The following HECW2 variants were observed in gnomAD, a reference collection of about 807,000 sequenced individuals.
HECW2 encodes E3 ubiquitin-protein ligase HECW2.
Under a neutral mutation model 175.2 loss-of-function variants are expected in HECW2, and 61 were observed. The observed-to-expected ratio is 0.35, with a 90% CI of 0.28 to 0.43. HECW2 has a LOEUF of 0.43. HECW2 is among the 20% of genes least tolerant of loss of function. The pLI is 1.00. For missense variants in HECW2, 1,524 were observed against 2,000.5 expected, an observed-to-expected ratio of 0.76 and a Z score of 4.54; for synonymous variants, 671 against 731.0, an observed-to-expected ratio of 0.92 and a Z score of 1.32.
intron 1 of HECW2, among the ~76,000 whole-genome samples, chr2:196,434,613 C>T (rs1695816293): frequency 6.6e-6 from 1 of 152,236 alleles, no homozygotes; most frequent in Non-Finnish European, 1.5e-5. Flanking sequence ...ACTCGGATCT[C>T]ACTAGCTTTA....
chr2:196,262,766 T>C (rs1372521402), intron 17 of HECW2, among the ~76,000 whole-genome samples: 2 of 152,066 alleles, frequency 1.3e-5, no homozygotes, highest in African/African-American at 2.4e-5. Flanking sequence ...GGGTTTCATA[T>C]GTTGGCCAGG....
At chr2:196,211,309 T>C (rs758433125) in intron 28 of HECW2, among the ~76,000 whole-genome samples, 2 of 152,160 alleles carry the variant, frequency 1.3e-5, no homozygotes, top group African/African-American at 2.4e-5. Context: ...TTGAGAGCAA[T>C]TGCCACAAAG....
At chr2:196,320,272 C>A in intron 8 of HECW2, 67 bp downstream of exon 8, 1 of 899,924 alleles carries the variant, frequency 1.1e-6, no homozygotes, top group Non-Finnish European at 1.8e-6. Context: ...AGCAAACTGA[C>A]AATCGAGTTA....
At chr2:196,483,256 G>T (rs890591622) in intron 1 of HECW2, among the ~76,000 whole-genome samples, 2 of 152,094 alleles carry the variant, frequency 1.3e-5, no homozygotes, top group Non-Finnish European at 2.9e-5. Context: ...TTTACTCGAT[G>T]GATATTTAAT....
At chr2:196,441,733 C>T (rs945604660) in intron 1 of HECW2, among the ~76,000 whole-genome samples, 1 of 152,110 alleles carries the variant, frequency 6.6e-6, no homozygotes, top group Non-Finnish European at 1.5e-5. Context: ...ATAATCATAA[C>T]TTGATGCTTA....
At chr2:196,448,320 G>A (rs1467467284) in intron 1 of HECW2, among the ~76,000 whole-genome samples, 2 of 152,126 alleles carry the variant, frequency 1.3e-5, no homozygotes, top group African/African-American at 4.8e-5. Flanking sequence ...TCACTCCCAT[G>A]TTATCATGCA....
rs767738209 is a variant in HECW2, at chr2:196,271,192, C to G, written c.3335+1G>C. The G allele has an allele frequency of 6.4e-7, 1 of 1,564,102 alleles. No homozygotes were observed. The highest frequency in any genetic ancestry group is 8.8e-7 in the Non-Finnish European group (1 of 1,135,120). On this transcript the variant is annotated splice_donor_variant, in intron 17 of 28. Transcript: ENST00000644978. LOFTEE classifies it high-confidence loss of function. ...GAACCAAATACCAATATTATTGTTA[C>G]CTGAGTGAGTGATTCCTGGTAAGAT... is the stretch of plus-strand genomic sequence containing the variant.
At position 196,341,275 on chromosome 2, in the gene HECW2, G is replaced by GAGTGATTTTGCCAAAATCACTCCAAAGGA. The variant is rs1344890754; in HGVS notation, c.400+2353_400+2381dup. ...ATTACCAGCAGCCTTCAGCATTTTG[G>GAGTGATTTTGCCAAAATCACTCCAAAGGA]AGTGATTTTGCCAAAATCACTCCAA... On this transcript the variant is annotated intron_variant, in intron 3 of 28. Coordinates refer to ENST00000644978, the MANE Select transcript of HECW2 (RefSeq NM_001348768.2). 7.3e-3 allele frequency among the ~76,000 whole-genome samples: 1,078 copies of GAGTGATTTTGCCAAAATCACTCCAAAGGA among 148,606 alleles called. 22 individuals are homozygous for GAGTGATTTTGCCAAAATCACTCCAAAGGA. The highest frequency in any genetic ancestry group is 0.027 in the African/African-American group (1,018 of 38,140).
rs60838287 is a variant in HECW2 at position 196,459,059 on chromosome 2, A to G, written c.-35-25601T>C. On this transcript the variant is annotated intron_variant, in intron 1 of 28. Transcript: ENST00000644978. ...TAGTTCTCTGAGTAGTCCAGCTGGG[A>G]GAGATAATGCTAAAAAAACAAACAA... 9.2e-3 allele frequency among the ~76,000 whole-genome samples: 1,404 copies of G among 152,336 alleles called. 22 individuals are homozygous for G. Among genetic ancestry groups the G allele is most frequent in the African/African-American group, 0.032 (1,350 of 41,572 alleles).
chr2:196,235,688 C>T (rs1466290401), intron 21 of HECW2, among the ~76,000 whole-genome samples: 1 of 128,300 alleles, frequency 7.8e-6, no homozygotes, highest in East Asian at 2.5e-4. Flanking sequence ...TGGAGTCTCG[C>T]TCTGTCGCCC....
chr2:196,231,880 T>C (rs1332558702), intron 21 of HECW2, among the ~76,000 whole-genome samples: 2 of 151,768 alleles, frequency 1.3e-5, no homozygotes, highest in East Asian at 3.9e-4. Context: ...TCCCAGCTAC[T>C]TGGGAGGCTG....
At chr2:196,349,603 C>A (rs1334718844) in intron 2 of HECW2, among the ~76,000 whole-genome samples, 1 of 151,950 alleles carries the variant, frequency 6.6e-6, no homozygotes, top group Non-Finnish European at 1.5e-5. Context: ...AGCCACCATG[C>A]CTGAACATGA....
At chr2:196,284,478 G>C (rs1201657333) in intron 14 of HECW2, among the ~76,000 whole-genome samples, 1 of 152,224 alleles carries the variant, frequency 6.6e-6, no homozygotes, top group South Asian at 2.1e-4. Context: ...ATCCCTTGGT[G>C]TGAGTTTTGG....
At chr2:196,424,542 T>C (rs573762740) in intron 2 of HECW2, among the ~76,000 whole-genome samples, 221 of 152,226 alleles carry the variant, frequency 1.5e-3, no homozygotes, top group African/African-American at 5.0e-3. Flanking sequence ...TATTCCAAAG[T>C]ACATACGAAT....
chr2:196,203,435 C>T (rs1686943273), intron 28 of HECW2, among the ~76,000 whole-genome samples: 1 of 152,138 alleles, frequency 6.6e-6, no homozygotes, highest in African/African-American at 2.4e-5. Context: ...AGATTTATCT[C>T]TGTTCCAGGG....
At chr2:196,218,434 T>C (rs1415082387) in intron 26 of HECW2, among the ~76,000 whole-genome samples, 4 of 152,130 alleles carry the variant, frequency 2.6e-5, no homozygotes, top group Non-Finnish European at 5.9e-5. Context: ...ACCATATAAA[T>C]AGGTCCTTGA....
Position 196,306,529 on chromosome 2 carries a change from G to C in HECW2, c.2773C>G (p.Leu925Val), listed in dbSNP as rs1263207315. ...LLLQSPPVKF[L>V]ISPEFFTVLH... is the part of the protein sequence containing the mutation. ...ACGGTGAAGAACTCTGGGCTGATGA[G>C]GAACTTCACGGGGGGAGACTGTAAC... Residue 925 changes from leucine (L) to valine (V), a missense_variant, in exon 13 of 29, where the codon CTC (leucine) becomes GTC (valine). Coordinates refer to ENST00000644978, the MANE Select transcript of HECW2 (RefSeq NM_001348768.2). 7 of 1,612,260 alleles carry C rather than the reference G, an allele frequency of 4.3e-6. No individual in the cohort carries two copies. The Admixed American group carries it at 5.0e-5, about 12-fold the overall frequency.
At chr2:196,309,396 C>T (rs1000852045) in intron 10 of HECW2, among the ~76,000 whole-genome samples, 1 of 152,240 alleles carries the variant, frequency 6.6e-6, no homozygotes, top group Non-Finnish European at 1.5e-5. Flanking sequence ...AACACAGACT[C>T]TACCATGAAA....
intron 10 of HECW2, among the ~76,000 whole-genome samples, chr2:196,312,150 G>A (rs948767738): frequency 6.6e-6 from 1 of 151,840 alleles, no homozygotes; most frequent in African/African-American, 2.4e-5. Flanking sequence ...TGGACCACTT[G>A]GCTTATGATC....
Sources: allele counts gnomAD v4.1 joint callset (sites outside exome capture counted in the v4.1 genomes callset), GRCh38; gene constraint gnomAD v4.1.1; transcripts MANE v1.5; gene names NCBI Gene and HGNC (gene_info 2026-07-23, HGNC 2026-07-21).